Variants in SP140 observed in about 807,000 individuals in gnomAD.
SP140 encodes SP140 nuclear body protein, also known as nuclear body protein SP140.
A neutral mutation model predicts 125.0 loss-of-function variants in SP140; 81 were observed. That is an observed-to-expected ratio of 0.65 (90% CI 0.54 to 0.78). SP140 has a LOEUF of 0.78. Ranked by LOEUF, SP140 falls within the 30% of genes least tolerant of loss-of-function variation. The pLI is 0.00. For missense variants in SP140, 858 were observed against 1,037.0 expected (o/e 0.83, Z 2.37); for synonymous variants, 312 against 354.0 (o/e 0.88, Z 1.33).
At chr2:230,285,462 T>A (rs567190788) in intron 16 of SP140, among the ~76,000 whole-genome samples, 1 of 152,362 alleles carries the variant, frequency 6.6e-6, no homozygotes, top group South Asian at 2.1e-4. Context: ...GTTTTCAAAT[T>A]GAAAATTTGT....
At chr2:230,283,034 C>T (rs1472456770) in intron 15 of SP140, among the ~76,000 whole-genome samples, 1 of 152,186 alleles carries the variant, frequency 6.6e-6, no homozygotes, top group Non-Finnish European at 1.5e-5. Flanking sequence ...TCCCCCCTAA[C>T]AAATGACTGA....
chr2:230,220,148 G>C, intron 3 of SP140: 2 of 905,208 alleles, frequency 2.2e-6, no homozygotes, highest in Non-Finnish European at 2.6e-6. Flanking sequence ...GTTGGGGTTT[G>C]GGGGAGGGCG....
the SP140 span, among the ~76,000 whole-genome samples, chr2:230,189,151 A>G: frequency 6.6e-6 from 1 of 152,108 alleles, no homozygotes; most frequent in Non-Finnish European, 1.5e-5. Context: ...TTTTCAAAGA[A>G]CCAGCTTTTT....
rs771358716 is a variant in SP140, at chr2:230,270,911, A to G, written c.1498+272A>G. 4.6e-5 allele frequency: 22 copies of G among 477,210 alleles called. No homozygotes were observed. In the Middle Eastern group the frequency reaches 1.9e-3, roughly 41 times the overall value. The allele number at this position is 477,210 out of a possible 1,614,324, so 29.6% of individuals were successfully genotyped here. On this transcript the variant is annotated intron_variant, in intron 15 of 26. Coordinates refer to ENST00000392045, the MANE Select transcript of SP140 (RefSeq NM_007237.5). ...TGGGGTGGGCACAATCTAATCTTGT[A>G]GGCCTTAAAGAGTGGAAAACTTTTC... is the stretch of plus-strand genomic sequence containing the variant.
intron 22 of SP140, among the ~76,000 whole-genome samples, chr2:230,302,709 T>C (rs1266498578): frequency 2.0e-5 from 3 of 152,102 alleles, no homozygotes; most frequent in Non-Finnish European, 4.4e-5. Flanking sequence ...TAGCAAGTAC[T>C]CTCTCAGACC....
the SP140 span, among the ~76,000 whole-genome samples, chr2:230,192,516 G>A: frequency 0.028 from 4,214 of 152,150 alleles, 196 homozygotes; most frequent in African/African-American, 0.096. Context: ...GCCAAATCAT[G>A]ATGAACTACC....
At chr2:230,196,913 A>G in the SP140 span, among the ~76,000 whole-genome samples, 4 of 151,434 alleles carry the variant, frequency 2.6e-5, no homozygotes, top group African/African-American at 4.8e-5. Context: ...TGGTGTATAT[A>G]TGCCACATTT....
intron 15 of SP140, among the ~76,000 whole-genome samples, chr2:230,278,811 G>A (rs2055099438): frequency 6.6e-6 from 1 of 151,858 alleles, no homozygotes. Flanking sequence ...GCCCCTTCTT[G>A]ACATCTGTAT....
At chr2:230,304,432 G>A (rs936507447) in intron 22 of SP140, among the ~76,000 whole-genome samples, 9 of 152,102 alleles carry the variant, frequency 5.9e-5, no homozygotes, top group Non-Finnish European at 1.2e-4. Flanking sequence ...CCAAAAAAGA[G>A]CTCATGTAGC....
upstream of SP140, among the ~76,000 whole-genome samples, chr2:230,222,114 G>A (rs899459818): frequency 3.3e-5 from 5 of 151,696 alleles, no homozygotes; most frequent in South Asian, 2.1e-4. Context: ...CCTGTAATCC[G>A]AGCTACTCGG....
upstream of SP140, chr2:230,225,580 T>C (rs1352122300): frequency 1.8e-6 from 1 of 543,304 alleles, no homozygotes; most frequent in Non-Finnish European, 3.3e-6. Flanking sequence ...TTTTCCACCC[T>C]CTTTCCTTGG....
the SP140 span, among the ~76,000 whole-genome samples, chr2:230,189,764 A>T: frequency 7.3e-5 from 11 of 151,506 alleles, no homozygotes; most frequent in South Asian, 2.1e-3. Context: ...TCAATGATCA[A>T]CTCCCACTTA....
chr2:230,249,029 A>G (rs909801547), intron 9 of SP140, 61 bp downstream of exon 9: 1 of 1,389,082 alleles, frequency 7.2e-7, no homozygotes, highest in Admixed American at 1.7e-5. Flanking sequence ...TTGGCATGGA[A>G]AAAAAGTTTC....
At chr2:230,250,173 ACT>A (rs2050144849) in intron 9 of SP140, among the ~76,000 whole-genome samples, 1 of 151,974 alleles carries the variant, frequency 6.6e-6, no homozygotes, top group Non-Finnish European at 1.5e-5. Flanking sequence ...TACTCATCAG[ACT>A]CTTTTTCTCT....
At chr2:230,212,011 T>C (rs1362635448) in intron 1 of SP140, among the ~76,000 whole-genome samples, 1 of 152,228 alleles carries the variant, frequency 6.6e-6, no homozygotes, top group African/African-American at 2.4e-5. Context: ...TATCATCTTT[T>C]CTAGTAATTT....
chr2:230,272,019 T>G (rs550035551), intron 15 of SP140, among the ~76,000 whole-genome samples: 2 of 151,784 alleles, frequency 1.3e-5, no homozygotes, highest in South Asian at 2.1e-4. Flanking sequence ...AGGTGAAAGA[T>G]CTCTACAAGG....
At position 230,309,913 on chromosome 2, in the gene SP140, T is replaced by C; in HGVS notation, c.2059-11T>C. The stretch of plus-strand genomic sequence containing the variant: ...GGTTCCCAGTGACGTGGACACTGTT[T>C]TATCTTCTAGATGAGAAACCTGGAT... On this transcript the variant is annotated splice_polypyrimidine_tract_variant and intron_variant, in intron 22 of 26. Transcript: ENST00000392045. The C allele has an allele frequency of 1.2e-6, 2 of 1,613,262 alleles. No individual in the cohort carries two copies. The highest frequency in any genetic ancestry group is 1.7e-6 in the Non-Finnish European group (2 of 1,179,962).
At chr2:230,315,343 C>G (rs774200006), downstream of SP140, among the ~76,000 whole-genome samples, 3 of 151,978 alleles carry the variant, frequency 2.0e-5, no homozygotes, top group Non-Finnish European at 4.4e-5. Flanking sequence ...ACTCACATGC[C>G]GGGGAAAGGA....
intron 12 of SP140, among the ~76,000 whole-genome samples, chr2:230,260,903 G>A (rs56710298): frequency 6.6e-6 from 1 of 152,124 alleles, no homozygotes; most frequent in African/African-American, 2.4e-5. Context: ...TTTTTGCTTA[G>A]TCTTGCTTTG....
Sources: gnomAD v4.1 joint callset for allele counts (sites outside exome capture counted in the v4.1 genomes callset) on GRCh38, gnomAD v4.1.1 for gene constraint, MANE v1.5 for transcripts, NCBI Gene and HGNC (gene_info 2026-07-23, HGNC 2026-07-21) for gene names.